Variants in ZFP37 observed in about 807,000 individuals in gnomAD.
ZFP37 encodes zinc finger protein 37 homolog.
ZFP37 carries 38 observed loss-of-function variants against 52.1 expected under a neutral mutation model. The observed-to-expected ratio is 0.73, with a 90% CI of 0.56 to 0.96. The LOEUF is 0.96. ZFP37 is among the 40% of genes least tolerant of loss of function. ZFP37 has a pLI of 0.00. For missense variants in ZFP37, 695 were observed against 741.4 expected (o/e 0.94, Z 0.73); for synonymous variants, 253 against 259.5 (o/e 0.98, Z 0.24).
At position 113,042,698 on chromosome 9, in the gene ZFP37, T is replaced by G. The variant is rs1321645346; in HGVS notation, c.*27A>C. 1.3e-6 allele frequency: 2 copies of G among 1,517,478 alleles called. No homozygotes were observed. Among genetic ancestry groups the G allele is most frequent in the Non-Finnish European group, 1.8e-6 (2 of 1,135,214 alleles). The allele number at this position is 1,517,478 out of a possible 1,614,324, so 94.0% of individuals were successfully genotyped here. A position where few individuals can be genotyped will look rare whatever the true frequency, so the allele number is the denominator to read the frequency against. ...TCCAAGGTTCAACAAAACCTTAAAT[T>G]TAGTTAACAAATTTCCCACATTAAC... is the stretch of plus-strand genomic sequence containing the variant. On this transcript the variant is annotated 3_prime_UTR_variant, in exon 4 of 4. Transcript: ENST00000374227.
chr9:113,048,317 G>A (rs1436112503), intron 3 of ZFP37, among the ~76,000 whole-genome samples: 1 of 152,144 alleles, frequency 6.6e-6, no homozygotes, highest in African/African-American at 2.4e-5. Context: ...ATAACTCAGG[G>A]CAGGAGCATC....
In ZFP37 at chr9:113,043,967, A is replaced by G; in HGVS notation, c.651T>C (p.Ser217=). ...TTTGCTTTTTGCCTTTCCTTGTATCAGATAAGCTATGGTTGAATGACTTCT... is the reference window on the plus strand; with the variant it reads ...TTTGCTTTTTGCCTTTCCTTGTATCGGATAAGCTATGGTTGAATGACTTCT... The part of the protein sequence containing the change: ...EHKKSFNHSL[S]DTRKGKKQTG... Residue 217 remains serine, a synonymous_variant, in exon 4 of 4, where the codon TCT becomes TCC. Transcript: ENST00000374227. 1 of 1,614,072 alleles carries G rather than the reference A, an allele frequency of 6.2e-7. No homozygotes were observed. Among genetic ancestry groups the G allele is most frequent in the East Asian group, 2.2e-5 (1 of 44,874 alleles).
Position 113,043,273 on chromosome 9 carries a change from T to C in ZFP37, c.1345A>G (p.Thr449Ala). Residue 449 changes from threonine (T) to alanine (A), a missense_variant, in exon 4 of 4, where the codon ACT (threonine) becomes GCT (alanine). Thr to Ala is a moderately conservative substitution (Grantham distance 58). Around this residue, in one of 2 missense-constraint regions of ZFP37, gnomAD observed 326 missense variants for 400.5 expected, o/e 0.81. Coordinates refer to ENST00000374227, the MANE Select transcript of ZFP37 (RefSeq NM_003408.3). ...CCTGTATGAATTCTCATGTGTTTAGTAAGGGATGAGCTATACTTAAAGGCT... is the reference window on the plus strand; with the variant it reads ...CCTGTATGAATTCTCATGTGTTTAGCAAGGGATGAGCTATACTTAAAGGCT... ...GKAFKYSSSL[T>A]KHMRIHTGEK... The C allele has an allele frequency of 6.2e-7, 1 of 1,613,936 alleles. No individual in the cohort carries two copies. Among genetic ancestry groups the C allele is most frequent in the Non-Finnish European group, 8.5e-7 (1 of 1,179,944 alleles).
At position 113,049,860 on chromosome 9, in the gene ZFP37, G is replaced by T. The variant is rs151180938; in HGVS notation, c.145C>A (p.Leu49Met). The change falls in exon 2 of 4, where the codon CTG becomes ATG. Residue 49 changes from leucine (L) to methionine (M), a missense_variant. By Grantham distance (15) the Leu-to-Met change is conservative. Transcript: ENST00000374227. ...PEASAAEWKQ[L>M]DPAQSNLYND... ...TACAGGTTGCTCTGAGCAGGATCCA[G>T]TTGCTTCCATTCCTTCTGGGTAAAG... The T allele has an allele frequency of 3.1e-3, 4,983 of 1,614,078 alleles. 19 individuals are homozygous for T. The highest frequency in any genetic ancestry group is 4.0e-3 in the Admixed American group (242 of 60,028).
intron 1 of ZFP37, among the ~76,000 whole-genome samples, chr9:113,051,506 G>C (rs180948986): frequency 6.6e-6 from 1 of 152,070 alleles, no homozygotes; most frequent in Admixed American, 6.5e-5. Context: ...AGGCTGAAGT[G>C]CAATAGCGTA....
intron 1 of ZFP37, among the ~76,000 whole-genome samples, chr9:113,054,041 A>G (rs1181922915): frequency 3.3e-5 from 5 of 152,234 alleles, no homozygotes; most frequent in East Asian, 1.9e-4. Flanking sequence ...ACTGTTGCCT[A>G]TACTTGCTGT....
chr9:113,044,118 T>C lies in ZFP37; in HGVS notation c.500A>G (p.His167Arg), dbSNP rs1262597047. The change falls in exon 4 of 4, where the codon CAT becomes CGT. Residue 167 changes from histidine (H) to arginine (R), a missense_variant. His to Arg is a conservative substitution (Grantham distance 29, BLOSUM62 0). Around this residue, in one of 2 missense-constraint regions of ZFP37, gnomAD observed 369 missense variants for 340.9 expected, o/e 1.08. Transcript: ENST00000374227. ...LGKKNNLHKKHVPSKKRLLKF... is the reference protein window; with the variant it reads ...LGKKNNLHKKRVPSKKRLLKF... The stretch of plus-strand genomic sequence containing the variant: ...AAGAAGCCTTTTCTTTGAAGGAACA[T>C]GTTTTTTATGCAAATTATTTTTTTT... 4.3e-6 allele frequency: 7 copies of C among 1,611,590 alleles called. No individual in the cohort carries two copies. The highest frequency in any genetic ancestry group is 5.1e-6 in the Non-Finnish European group (6 of 1,179,458).
At position 113,056,422 on chromosome 9, in the gene ZFP37, C is replaced by T. The variant is rs983923414; in HGVS notation, c.132+135G>A. 4 of 1,424,628 alleles carry T rather than the reference C, an allele frequency of 2.8e-6. No individual in the cohort carries two copies. In the African/African-American group the frequency reaches 4.2e-5, roughly 15 times the overall value. 88.2% of individuals were successfully genotyped at this position (1,424,628 alleles called of 1,614,324 possible). A position where few individuals can be genotyped will look rare whatever the true frequency, so the allele number is the denominator to read the frequency against. ...TAACCCCACAGATAACTCAGAACAC[C>T]GACCTCCCAAAAGACCATCTAGCAT... On this transcript the variant is annotated intron_variant, in intron 1 of 3. Transcript: ENST00000374227.
In ZFP37 at chr9:113,043,723, C is replaced by A. The variant is rs776981370; in HGVS notation, c.895G>T (p.Gly299Ter). 6.2e-7 allele frequency: 1 copy of A among 1,613,992 alleles called. No individual in the cohort carries two copies. The highest frequency in any genetic ancestry group is 1.7e-5 in the Admixed American group (1 of 60,016). Residue 299 changes from glycine to a stop codon, truncating the protein, a stop_gained, in exon 4 of 4, where the codon GGA (glycine) becomes TGA (stop). Transcript: ENST00000374227. LOFTEE classifies it high-confidence loss of function. ...CVKPYECNQC[G>*]KVLSHKQGLI... Reference sequence around the variant, plus strand: ...CCTTGTTTATGGCTGAGAACCTTTCCACATTGATTACATTCATAGGGTTTC... The same window carrying A: ...CCTTGTTTATGGCTGAGAACCTTTCAACATTGATTACATTCATAGGGTTTC...
chr9:113,045,430 T>C (rs556971851), intron 3 of ZFP37, among the ~76,000 whole-genome samples: 29 of 152,220 alleles, frequency 1.9e-4, no homozygotes, highest in Admixed American at 5.2e-4. Flanking sequence ...CATCCAACCT[T>C]GTTTTGTTTT....
chr9:113,041,059 G>A lies in ZFP37; in HGVS notation c.*1666C>T, dbSNP rs577816834. 4.6e-5 allele frequency: 7 copies of A among 152,138 alleles called. No individual in the cohort carries two copies. The highest frequency in any genetic ancestry group is 2.0e-4 in the Admixed American group (3 of 15,278). The allele number at this position is 152,138 out of a possible 1,614,324, so 9.4% of individuals were successfully genotyped here. A position where few individuals can be genotyped will look rare whatever the true frequency, so the allele number is the denominator to read the frequency against. On this transcript the variant is annotated 3_prime_UTR_variant, in exon 4 of 4. Coordinates refer to ENST00000374227, the MANE Select transcript of ZFP37 (RefSeq NM_003408.3). Reference sequence around the variant, plus strand: ...AGCAACTCTCTTGCCTCAGCCTCCTGAGTGGCTGGGATTACAGGGATTACA... The same window carrying A: ...AGCAACTCTCTTGCCTCAGCCTCCTAAGTGGCTGGGATTACAGGGATTACA...
chr9:113,048,306 A>C (rs578255516), intron 3 of ZFP37, among the ~76,000 whole-genome samples: 3 of 152,324 alleles, frequency 2.0e-5, no homozygotes, highest in Admixed American at 1.3e-4. Context: ...GAGAAACGGA[A>C]ATAACTCAGG....
intron 2 of ZFP37, 74 bp downstream of exon 2, chr9:113,049,717 C>A: frequency 6.4e-7 from 1 of 1,562,362 alleles, no homozygotes. Flanking sequence ...AAAATGAAGG[C>A]CAAACTTATC....
Position 113,039,270 on chromosome 9 carries a change from G to A in ZFP37, c.*3455C>T, listed in dbSNP as rs1243350144. ...AACTTACACAACTACCAAAAGCAGTGTGTGACAGATTGTTTTCTACCTATC... is the reference window on the plus strand; with the variant it reads ...AACTTACACAACTACCAAAAGCAGTATGTGACAGATTGTTTTCTACCTATC... On this transcript the variant is annotated 3_prime_UTR_variant, in exon 4 of 4. Transcript: ENST00000374227. 1 of 152,070 alleles carries A rather than the reference G, an allele frequency of 6.6e-6. No individual in the cohort carries two copies. Among genetic ancestry groups the A allele is most frequent in the African/African-American group, 2.4e-5 (1 of 41,416 alleles). The allele number at this position is 152,070 out of a possible 1,614,324, so 9.4% of individuals were successfully genotyped here.
rs1409391249 is a variant in ZFP37 at position 113,043,961 on chromosome 9, T to A, written c.657A>T (p.Thr219=). ...KKSFNHSLSD[T]RKGKKQTGKK... ...TTCCAGTTTGCTTTTTGCCTTTCCT[T>A]GTATCAGATAAGCTATGGTTGAATG... Residue 219 remains threonine (T), a synonymous_variant, in exon 4 of 4, where the codon ACA becomes ACT. Coordinates refer to ENST00000374227, the MANE Select transcript of ZFP37 (RefSeq NM_003408.3). The A allele has an allele frequency of 6.2e-7, 1 of 1,614,068 alleles. No individual in the cohort carries two copies.
intron 3 of ZFP37, among the ~76,000 whole-genome samples, chr9:113,048,593 G>A (rs1829000275): frequency 6.6e-6 from 1 of 152,102 alleles, no homozygotes; most frequent in African/African-American, 2.4e-5. Context: ...GGAAGGGTCA[G>A]TTAGGCATCT....
rs770645093 is a variant in ZFP37, at chr9:113,049,267, A to G, written c.349+95T>C. ...TCCTCAGGAAATCCTGATTTTTTCT[A>G]TTGCTATTTTCTAGTTAAGAAAGAA... On this transcript the variant is annotated intron_variant, in intron 3 of 3. Coordinates refer to ENST00000374227, the MANE Select transcript of ZFP37 (RefSeq NM_003408.3). The G allele has an allele frequency of 1.0e-4, 136 of 1,342,204 alleles. 1 individual carries two copies. Among genetic ancestry groups the G allele is most frequent in the Admixed American group, 3.3e-4 (14 of 41,938 alleles). The allele number at this position is 1,342,204 out of a possible 1,614,324, so 83.1% of individuals were successfully genotyped here. A position where few individuals can be genotyped will look rare whatever the true frequency, so the allele number is the denominator to read the frequency against.
intron 1 of ZFP37, among the ~76,000 whole-genome samples, chr9:113,053,342 C>T (rs1829090518): frequency 6.6e-6 from 1 of 152,180 alleles, no homozygotes; most frequent in Non-Finnish European, 1.5e-5. Context: ...GTTTTAACTT[C>T]CTTGATTCTC....
Position 113,042,998 on chromosome 9 carries a change from A to G in ZFP37, c.1620T>C (p.Thr540=), listed in dbSNP as rs1271302833. 1 of 1,613,544 alleles carries G rather than the reference A, an allele frequency of 6.2e-7. No individual in the cohort carries two copies. Among genetic ancestry groups the G allele is most frequent in the African/African-American group, 1.3e-5 (1 of 74,920 alleles). Residue 540 remains threonine, a synonymous_variant, in exon 4 of 4, where the codon ACT becomes ACC. Coordinates refer to ENST00000374227, the MANE Select transcript of ZFP37 (RefSeq NM_003408.3). The part of the protein sequence containing the change: ...EGLTQHQRVH[T]GEKPYECNEC... Reference sequence around the variant, plus strand: ...CATTACACTCATACGGTTTCTCTCCAGTATGAACTCTCTGATGTTGAGTAA... The same window carrying G: ...CATTACACTCATACGGTTTCTCTCCGGTATGAACTCTCTGATGTTGAGTAA...
Sources: gnomAD v4.1 joint callset for allele counts (sites outside exome capture counted in the v4.1 genomes callset) on GRCh38, gnomAD v4.1.1 for gene constraint, gnomAD v4.1.1 regional missense constraint, MANE v1.5 for transcripts, NCBI Gene and HGNC (gene_info 2026-07-23, HGNC 2026-07-21) for gene names.